Variants in DLGAP2 observed in about 807,000 individuals in gnomAD.
DLGAP2 encodes the protein DLG associated protein 2.
In DLGAP2, 26 loss-of-function variants were observed where a neutral mutation model predicts 100.3. The observed-to-expected ratio is 0.26, with a 90% confidence interval of 0.19 to 0.36. The LOEUF (loss-of-function observed/expected upper bound fraction) is 0.36. DLGAP2 is among the 10% of genes least tolerant of loss of function. DLGAP2 has a pLI of 1.00. For missense variants in DLGAP2, 1,858 were observed against 1,453.2 expected (o/e 1.28, Z -4.53); for synonymous variants, 886 against 630.1 (o/e 1.41, Z -6.08).
At chr8:1,292,590 T>C (rs1800083516) in intron 3 of DLGAP2, among the ~76,000 whole-genome samples, 1 of 152,216 alleles carries the variant, frequency 6.6e-6, no homozygotes, top group African/African-American at 2.4e-5. Context: ...AAATTCTCCC[T>C]GAAATATTTT....
At position 1,450,472 on chromosome 8, in the gene DLGAP2, T is replaced by C. The variant is rs888931659; in HGVS notation, c.107-50894T>C. Among the ~76,000 whole-genome samples, 5 of 148,408 alleles carry C rather than the reference T, an allele frequency of 3.4e-5. 1 individual carries two copies. The highest frequency in any genetic ancestry group is 3.3e-4 in the Admixed American group (5 of 15,014). On this transcript the variant is annotated intron_variant, in intron 3 of 14. Transcript: ENST00000637795. ...TCGGTGGCTGTGGCTGAGGCTGAGC[T>C]GTGAGGGTGAAGATGAGGTGGGCGG...
At chr8:1,104,304 G>T (rs1335026759) in intron 2 of DLGAP2, among the ~76,000 whole-genome samples, 4 of 152,126 alleles carry the variant, frequency 2.6e-5, no homozygotes, top group Admixed American at 2.6e-4. Flanking sequence ...GTGGGTTCCA[G>T]CCGCAGGATC....
intron 4 of DLGAP2, among the ~76,000 whole-genome samples, chr8:1,502,489 T>A (rs1374951934): frequency 6.6e-6 from 1 of 152,220 alleles, no homozygotes; most frequent in East Asian, 1.9e-4. Context: ...TTCTAAAGGA[T>A]GACCGTCCAT....
chr8:818,363 C>G (rs987699859), intron 1 of DLGAP2, among the ~76,000 whole-genome samples: 1 of 152,182 alleles, frequency 6.6e-6, no homozygotes, highest in Non-Finnish European at 1.5e-5. Context: ...CGTGCCCCAC[C>G]AACAGTACCG....
rs745334855 is a variant in DLGAP2 at position 1,549,183 on chromosome 8, C to A, written c.730C>A (p.His244Asn). The change falls in exon 5 of 15, where the codon CAC becomes AAC. Residue 244 changes from histidine to asparagine, a missense_variant. Coordinates refer to ENST00000637795, the MANE Select transcript of DLGAP2 (RefSeq NM_001346810.2). Reference sequence around the variant, plus strand: ...CGTGCAGAAGCTCTTCACCAAGTCGCACTCGCTGGAGGGCTCCTCCAAAAG... The same window carrying A: ...CGTGCAGAAGCTCTTCACCAAGTCGAACTCGCTGGAGGGCTCCTCCAAAAG... Reference protein sequence around the residue: ...HSVQKLFTKSHSLEGSSKSNA... With the variant: ...HSVQKLFTKSNSLEGSSKSNA... 1.3e-6 allele frequency: 2 copies of A among 1,599,572 alleles called. No homozygotes were observed. Among genetic ancestry groups the A allele is most frequent in the Non-Finnish European group, 8.5e-7 (1 of 1,174,006 alleles).
At chr8:1,157,685 A>C (rs1796817218) in intron 2 of DLGAP2, among the ~76,000 whole-genome samples, 1 of 152,314 alleles carries the variant, frequency 6.6e-6, no homozygotes. Flanking sequence ...TAATACAAAT[A>C]ATAATAGGCT....
Position 1,315,495 on chromosome 8 carries a change from G to C in DLGAP2, c.106+56612G>C, listed in dbSNP as rs34272383. Reference sequence around the variant, plus strand: ...AGAAACTCGGCAGCTTTTAAAAATAGAGCGTGTGCGAGTGCAGCGTCTCTC... The same window carrying C: ...AGAAACTCGGCAGCTTTTAAAAATACAGCGTGTGCGAGTGCAGCGTCTCTC... On this transcript the variant is annotated intron_variant, in intron 3 of 14. Transcript: ENST00000637795. Among the ~76,000 whole-genome samples, 240 of 142,764 alleles carry C rather than the reference G, an allele frequency of 1.7e-3. 1 individual carries two copies. The highest frequency in any genetic ancestry group is 7.2e-3 in the Middle Eastern group (2 of 278). The allele number at this position is 142,764 out of a possible 152,430, so 93.7% of individuals were successfully genotyped here. A position where few individuals can be genotyped will look rare whatever the true frequency, so the allele number is the denominator to read the frequency against.
intron 2 of DLGAP2, among the ~76,000 whole-genome samples, chr8:950,749 G>T (rs573280738): frequency 6.6e-6 from 1 of 151,342 alleles, no homozygotes; most frequent in Non-Finnish European, 1.5e-5. Context: ...AGCCTCCCGA[G>T]TAGCTGGGAT....
At chr8:1,581,704 G>A (rs1044989343) in intron 6 of DLGAP2, among the ~76,000 whole-genome samples, 2 of 148,130 alleles carry the variant, frequency 1.4e-5, no homozygotes, top group Non-Finnish European at 3.0e-5. Flanking sequence ...ACACACCGCA[G>A]TCAAACTACC....
chr8:993,927 G>A (rs1322546690), intron 2 of DLGAP2, among the ~76,000 whole-genome samples: 2 of 151,694 alleles, frequency 1.3e-5, no homozygotes, highest in African/African-American at 4.8e-5. Flanking sequence ...GCAGATCCCG[G>A]CTGGTAATTT....
At chr8:882,789 G>A (rs886877005) in intron 1 of DLGAP2, among the ~76,000 whole-genome samples, 2 of 152,090 alleles carry the variant, frequency 1.3e-5, no homozygotes, top group African/African-American at 4.8e-5. Flanking sequence ...GCGGGCAGCC[G>A]TGCCTGGCCC....
chr8:1,098,592 CAGG>C (rs1804469964), intron 2 of DLGAP2, among the ~76,000 whole-genome samples: 5 of 107,494 alleles, frequency 4.7e-5, no homozygotes, highest in African/African-American at 1.6e-4. Context: ...CGACCCACAC[CAGG>C]CTCCCGGCCG....
At chr8:1,024,254 G>A (rs1434258790) in intron 2 of DLGAP2, among the ~76,000 whole-genome samples, 2 of 136,284 alleles carry the variant, frequency 1.5e-5, no homozygotes, top group Admixed American at 7.5e-5. Flanking sequence ...CCCGTGCCGA[G>A]GCAGACACCC....
chr8:1,119,694 T>A (rs1795991801), intron 2 of DLGAP2, among the ~76,000 whole-genome samples: 1 of 152,198 alleles, frequency 6.6e-6, no homozygotes, highest in Admixed American at 6.5e-5. Context: ...AACTTTGAAT[T>A]TAAGTATCCC....
chr8:1,677,210 G>A (rs1798831465), intron 11 of DLGAP2, among the ~76,000 whole-genome samples: 1 of 152,184 alleles, frequency 6.6e-6, no homozygotes, highest in Non-Finnish European at 1.5e-5. Flanking sequence ...AGTGTTGGGT[G>A]GCCTCCCTCA....
At chr8:960,742 C>T (rs1486252846) in intron 2 of DLGAP2, among the ~76,000 whole-genome samples, 1 of 152,092 alleles carries the variant, frequency 6.6e-6, no homozygotes, top group African/African-American at 2.4e-5. Flanking sequence ...GCCCGATAAA[C>T]CTATTGTAAG....
intron 3 of DLGAP2, among the ~76,000 whole-genome samples, chr8:1,360,471 G>A (rs1801958361): frequency 1.1e-5 from 1 of 92,882 alleles, no homozygotes; most frequent in African/African-American, 5.3e-5. Flanking sequence ...GCAAATTGAA[G>A]GGACCCTGCC....
At chr8:1,626,279 G>C (rs2469670) in intron 6 of DLGAP2, among the ~76,000 whole-genome samples, 1 of 125,310 alleles carries the variant, frequency 8.0e-6, no homozygotes, top group African/African-American at 3.4e-5. Flanking sequence ...TGGGTTGGAC[G>C]GCTGTTCCCA....
intron 3 of DLGAP2, among the ~76,000 whole-genome samples, chr8:1,471,998 G>A (rs1270600355): frequency 6.6e-6 from 1 of 152,226 alleles, no homozygotes; most frequent in South Asian, 2.1e-4. Flanking sequence ...TTTAGCGGTG[G>A]TCTCTGTGCC....
Sources: allele counts gnomAD v4.1 joint callset (sites outside exome capture counted in the v4.1 genomes callset), GRCh38; gene constraint gnomAD v4.1.1; transcripts MANE v1.5; gene names NCBI Gene and HGNC (gene_info 2026-07-23, HGNC 2026-07-21).